The following PTPRB variants were observed in gnomAD, a reference collection of about 807,000 sequenced individuals.
The protein encoded by PTPRB is receptor-type tyrosine-protein phosphatase beta.
In PTPRB, 97 loss-of-function variants were observed where a neutral mutation model predicts 238.1. The observed-to-expected ratio is 0.41, with a 90% CI of 0.35 to 0.48. The LOEUF (loss-of-function observed/expected upper bound fraction) is 0.48, where lower values mean the gene tolerates loss of function less well. Ranked by LOEUF, PTPRB falls within the 20% of genes least tolerant of loss-of-function variation. PTPRB has a pLI of 0.30. For synonymous variants in PTPRB, 970 were observed against 995.4 expected (o/e 0.97, Z 0.48); for missense variants, 2,292 against 2,681.9 (o/e 0.85, Z 3.21).
At chr12:70,613,358 T>TAGCC (rs1402920638) in intron 3 of PTPRB, among the ~76,000 whole-genome samples, 4 of 152,082 alleles carry the variant, frequency 2.6e-5, no homozygotes, top group Non-Finnish European at 5.9e-5. Context: ...GAACACTGAC[T>TAGCC]AGCCACCTAT....
chr12:70,562,164 G>A (rs1376701722), intron 16 of PTPRB, among the ~76,000 whole-genome samples: 1 of 152,120 alleles, frequency 6.6e-6, no homozygotes, highest in Non-Finnish European at 1.5e-5. Flanking sequence ...TGTGCCTGTA[G>A]TCCCAGCTAC....
intron 14 of PTPRB, 61 bp from the exon 15 acceptor site, chr12:70,566,765 A>T (rs1211477409): frequency 6.5e-7 from 1 of 1,542,528 alleles, no homozygotes; most frequent in African/African-American, 1.4e-5. Flanking sequence ...AAAGTCATCA[A>T]TTGAGAAAAA....
At chr12:70,534,431 T>G in intron 31 of PTPRB, 57 bp downstream of exon 31, 3 of 1,566,910 alleles carry the variant, frequency 1.9e-6, no homozygotes, top group Non-Finnish European at 2.6e-6. Flanking sequence ...TTTTCCAGAC[T>G]CCCAGGCACA....
chr12:70,539,064 A>G, intron 26 of PTPRB, 50 bp from the exon 27 acceptor site: 1 of 1,379,998 alleles, frequency 7.2e-7, no homozygotes, highest in Non-Finnish European at 1.0e-6. Context: ...AATAGAATAA[A>G]GCAAATCATA....
rs114329191 is a variant in PTPRB at position 70,609,856 on chromosome 12, G to A, written c.709-517C>T. 4,359 of 1,549,282 alleles carry A rather than the reference G, an allele frequency of 2.8e-3. 116 individuals carry two copies. In the African/African-American group the frequency reaches 0.053, roughly 19 times the overall value. On this transcript the variant is annotated intron_variant, in intron 3 of 33. Coordinates refer to ENST00000334414, the MANE Select transcript of PTPRB (RefSeq NM_001109754.4). Reference sequence around the variant, plus strand: ...GATCCAGAGGAGACCGAGGGGGCTGGACGTGGGACGGCCCGAGGGCCGGGG... The same window carrying A: ...GATCCAGAGGAGACCGAGGGGGCTGAACGTGGGACGGCCCGAGGGCCGGGG...
chr12:70,636,201 T>C, intron 1 of PTPRB, 135 bp from the exon 2 acceptor site: 1 of 935,486 alleles, frequency 1.1e-6, no homozygotes, highest in East Asian at 2.7e-5. Flanking sequence ...TCATTTCAAG[T>C]GAACATTCTC....
At chr12:70,601,088 G>A (rs578238264) in intron 4 of PTPRB, among the ~76,000 whole-genome samples, 6 of 152,014 alleles carry the variant, frequency 3.9e-5, no homozygotes, top group East Asian at 1.9e-4. Context: ...GGCTGGTCTC[G>A]AACTCCTGAC....
At position 70,534,512 on chromosome 12, in the gene PTPRB, G is replaced by A; in HGVS notation, c.6344C>T (p.Ala2115Val). Residue 2115 changes from alanine (A) to valine (V), a missense_variant, in exon 31 of 34, where the codon GCT becomes GTT. By Grantham distance (64) the Ala-to-Val change is moderately conservative (BLOSUM62 0). This residue lies in a region of PTPRB where 397 missense variants were observed against 502.0 expected (regional missense o/e 0.79). Transcript: ENST00000334414. Reference protein sequence around the residue: ...VRDYINRSPGAGPTVVHCSAG... With the variant: ...VRDYINRSPGVGPTVVHCSAG... ...CCTGCAGTGCACCACAGTGGGCCCA[G>A]CACCCGGGCTTCTGTTGATGTAGTC... The A allele has an allele frequency of 1.2e-6, 2 of 1,612,962 alleles. No homozygotes were observed. The highest frequency in any genetic ancestry group is 1.7e-6 in the Non-Finnish European group (2 of 1,179,682).
Position 70,559,564 on chromosome 12 carries a change from G to T in PTPRB, c.4493C>A (p.Thr1498Lys). ...TGTCCAGTCTGGGGGCCCTTTCCAC[G>T]TGATGGCCAAGGATGTGTTTGCAAT... ...ADIANTSLAI[T>K]WKGPPDWTDY... The change falls in exon 18 of 34, where the codon ACG (threonine) becomes AAG (lysine). Residue 1498 changes from threonine to lysine, a missense_variant. Physicochemically the swap from Thr to Lys is moderately conservative, Grantham distance 78. This residue lies in a region of PTPRB where 683 missense variants were observed against 862.0 expected (regional missense o/e 0.79). Transcript: ENST00000334414. 1.2e-6 allele frequency: 2 copies of T among 1,613,366 alleles called. No homozygotes were observed. The highest frequency in any genetic ancestry group is 1.7e-6 in the Non-Finnish European group (2 of 1,179,360).
At chr12:70,629,236 A>G (rs1188925670) in intron 2 of PTPRB, among the ~76,000 whole-genome samples, 1 of 152,174 alleles carries the variant, frequency 6.6e-6, no homozygotes, top group Non-Finnish European at 1.5e-5. Context: ...GAGAAATCAC[A>G]ACAAACTGCC....
chr12:70,571,762 G>T, intron 12 of PTPRB, 62 bp downstream of exon 12: 1 of 1,542,454 alleles, frequency 6.5e-7, no homozygotes, highest in South Asian at 1.3e-5. Flanking sequence ...TCAAGGTTCA[G>T]ATAAATTACT....
At chr12:70,535,724 C>T (rs1231068958) in intron 29 of PTPRB, among the ~76,000 whole-genome samples, 3 of 152,144 alleles carry the variant, frequency 2.0e-5, no homozygotes, top group South Asian at 2.1e-4. Context: ...GGTCTCTCCT[C>T]CAGCCAGACA....
At chr12:70,562,418 G>T (rs192145993) in intron 16 of PTPRB, among the ~76,000 whole-genome samples, 495 of 152,276 alleles carry the variant, frequency 3.3e-3, no homozygotes, top group African/African-American at 0.011. Context: ...TTCATCTAGC[G>T]CTGTGTTTCT....
In PTPRB at chr12:70,552,812, G is replaced by T; in HGVS notation, c.5352C>A (p.Phe1784Leu). The change falls in exon 21 of 34, where the codon TTC becomes TTA. Residue 1784 changes from phenylalanine (F) to leucine (L), a missense_variant. Physicochemically the swap from Phe to Leu is conservative, Grantham distance 22 (BLOSUM62 0). Transcript: ENST00000334414. Reference protein sequence around the residue: ...GGKCDPTQQKFCDGPLKPHTA... With the variant: ...GGKCDPTQQKLCDGPLKPHTA... ...TGTGTGGCTTCAGTGGTCCATCACA[G>T]AATTTTTGCTGAGTGGGATCGCATT... The T allele has an allele frequency of 1.9e-6, 3 of 1,613,950 alleles. No homozygotes were observed. The highest frequency in any genetic ancestry group is 2.5e-6 in the Non-Finnish European group (3 of 1,179,844).
chr12:70,528,972 G>T (rs1872787047), intron 32 of PTPRB, among the ~76,000 whole-genome samples: 1 of 151,962 alleles, frequency 6.6e-6, no homozygotes, highest in South Asian at 2.1e-4. Flanking sequence ...CTTTTGGGGG[G>T]ATCCATCTGG....
intron 18 of PTPRB, 74 bp from the exon 19 acceptor site, chr12:70,556,222 A>G (rs973483867): frequency 6.0e-6 from 8 of 1,340,988 alleles, no homozygotes; most frequent in Admixed American, 2.3e-5. Flanking sequence ...TTTGGGTCCA[A>G]CTAGCTCTGA....
Position 70,622,594 on chromosome 12 carries a change from G to T in PTPRB, c.504C>A (p.Pro168=). The T allele has an allele frequency of 6.3e-7, 1 of 1,589,568 alleles. No homozygotes were observed. Among genetic ancestry groups the T allele is most frequent in the African/African-American group, 1.3e-5 (1 of 74,510 alleles). ...SVRSTRNTAP[P]QILTTFNAVP... The stretch of plus-strand genomic sequence containing the variant: ...CTGCATTAAAGGTAGTGAGAATCTG[G>T]GGTGGAGCCGTGTTTCTAGTGCTCC... Residue 168 remains proline, a synonymous_variant, in exon 3 of 34, where the codon CCC becomes CCA. Transcript: ENST00000334414.
Position 70,517,510 on chromosome 12 carries a change from G to A in PTPRB, c.*3979C>T, listed in dbSNP as rs376957751. 3.3e-5 allele frequency: 5 copies of A among 152,274 alleles called. No individual in the cohort carries two copies. The highest frequency in any genetic ancestry group is 1.9e-4 in the East Asian group (1 of 5,188). The allele number at this position is 152,274 out of a possible 1,614,324, so 9.4% of individuals were successfully genotyped here. On this transcript the variant is annotated 3_prime_UTR_variant, in exon 34 of 34. Coordinates refer to ENST00000334414, the MANE Select transcript of PTPRB (RefSeq NM_001109754.4). ...AAATAGCAGGGCAGAAAATTAGCACGGCATTTTCTCCTTCAACTCTTCAGG... is the reference window on the plus strand; with the variant it reads ...AAATAGCAGGGCAGAAAATTAGCACAGCATTTTCTCCTTCAACTCTTCAGG...
rs867433411 is a variant in PTPRB, at chr12:70,555,297, G to A, written c.5006C>T (p.Pro1669Leu). 1.9e-6 allele frequency: 3 copies of A among 1,611,880 alleles called. No individual in the cohort carries two copies. The highest frequency in any genetic ancestry group is 1.1e-5 in the South Asian group (1 of 90,804). Residue 1669 changes from proline to leucine, a missense_variant, in exon 20 of 34, where the codon CCA becomes CTA. Physicochemically the swap from Pro to Leu is moderately conservative, Grantham distance 98. Coordinates refer to ENST00000334414, the MANE Select transcript of PTPRB (RefSeq NM_001109754.4). ...TITMIDRPPPPPPHIRVNEKD... is the reference protein window; with the variant it reads ...TITMIDRPPPLPPHIRVNEKD... Reference sequence around the variant, plus strand: ...TTCATTCACACGAATGTGTGGGGGTGGAGGAGGGGGGCCTGGAAAAAGAGG... The same window carrying A: ...TTCATTCACACGAATGTGTGGGGGTAGAGGAGGGGGGCCTGGAAAAAGAGG...
Sources: gnomAD v4.1 joint callset for allele counts (sites outside exome capture counted in the v4.1 genomes callset) on GRCh38, gnomAD v4.1.1 for gene constraint, gnomAD v4.1.1 regional missense constraint, MANE v1.5 for transcripts, NCBI Gene and HGNC (gene_info 2026-07-23, HGNC 2026-07-21) for gene names.